Variants in ABCD3 observed in about 807,000 individuals in gnomAD.
ABCD3 encodes ATP-binding cassette sub-family D member 3.
In ABCD3, 41 loss-of-function variants were observed where a neutral mutation model predicts 105.5. The observed-to-expected ratio is 0.39, with a 90% CI of 0.30 to 0.50. ABCD3 has a LOEUF of 0.50. Ranked by LOEUF, ABCD3 falls within the 20% of genes least tolerant of loss-of-function variation. The pLI is 0.84. For missense variants in ABCD3, 622 were observed against 806.3 expected, an observed-to-expected ratio of 0.77 and a Z score of 2.77; for synonymous variants, 258 against 269.0, an observed-to-expected ratio of 0.96 and a Z score of 0.40.
rs1247970096 is a variant in ABCD3, at chr1:94,493,417, G to T, written c.1386+2170G>T. ...GATAACATCTCACACCAGTTAGAATGGCAATCATTAAAAAGTCAGGAAACA... is the reference window on the plus strand; with the variant it reads ...GATAACATCTCACACCAGTTAGAATTGCAATCATTAAAAAGTCAGGAAACA... On this transcript the variant is annotated intron_variant, in intron 16 of 22. Transcript: ENST00000370214. Among the ~76,000 whole-genome samples the T allele has an allele frequency of 2.0e-5, 3 of 152,022 alleles. No homozygotes were observed. In the South Asian group the frequency reaches 6.2e-4, roughly 32 times the overall value.
upstream of ABCD3, among the ~76,000 whole-genome samples, chr1:94,413,469 G>C (rs1337608450): frequency 6.6e-6 from 1 of 152,184 alleles, no homozygotes; most frequent in Non-Finnish European, 1.5e-5. Context: ...CCCTGATCTA[G>C]TGAGACAGGA....
In ABCD3 at chr1:94,498,664, C is replaced by T. The variant is rs1649946239; in HGVS notation, c.1449C>T (p.Phe483=). The T allele has an allele frequency of 6.2e-7, 1 of 1,612,192 alleles. No individual in the cohort carries two copies. The highest frequency in any genetic ancestry group is 8.5e-7 in the Non-Finnish European group (1 of 1,179,716). The change falls in exon 17 of 23, where the codon TTC becomes TTT. Residue 483 remains phenylalanine, a synonymous_variant. Coordinates refer to ENST00000370214, the MANE Select transcript of ABCD3 (RefSeq NM_002858.4). ...GPNGCGKSSL[F]RVLGELWPLF... ...ATGGCTGCGGAAAGAGTTCACTTTT[C>T]CGTGTTCTTGGTGAAGTAAGTACAA...
chr1:94,478,479 G>T, intron 8 of ABCD3, 164 bp downstream of exon 8: 1 of 1,342,016 alleles, frequency 7.5e-7, no homozygotes, highest in Non-Finnish European at 1.1e-6. Flanking sequence ...CTTCATTCGA[G>T]ATTTTAGAAG....
Position 94,498,986 on chromosome 1 carries a change from A to G in ABCD3, c.1572A>G (p.Ile524Met), listed in dbSNP as rs1419891034. 5.6e-6 allele frequency: 9 copies of G among 1,613,938 alleles called. No individual in the cohort carries two copies. Among genetic ancestry groups the G allele is most frequent in the South Asian group, 2.2e-5 (2 of 91,090 alleles). Residue 524 changes from isoleucine (I) to methionine (M), a missense_variant, in exon 19 of 23, where the codon ATA becomes ATG. Around this residue, in one of 4 missense-constraint regions of ABCD3, gnomAD observed 285 missense variants for 352.5 expected, o/e 0.81. Transcript: ENST00000370214. ...MTLGTLRDQV[I>M]YPDGREDQKR... ...TTGGAACACTTCGAGATCAAGTGATATATCCAGATGGACGAGAAGATCAGA... is the reference window on the plus strand; with the variant it reads ...TTGGAACACTTCGAGATCAAGTGATGTATCCAGATGGACGAGAAGATCAGA...
At chr1:94,450,639 T>C (rs1426454942) in intron 1 of ABCD3, among the ~76,000 whole-genome samples, 2 of 152,222 alleles carry the variant, frequency 1.3e-5, no homozygotes, top group Middle Eastern at 3.2e-3. Flanking sequence ...TGTCAATAAA[T>C]ATGTGGGTAA....
At chr1:94,504,466 T>C (rs1313626144) in intron 20 of ABCD3, among the ~76,000 whole-genome samples, 1 of 152,164 alleles carries the variant, frequency 6.6e-6, no homozygotes, top group Non-Finnish European at 1.5e-5. Context: ...TAGGTTTGCC[T>C]GAGATGACAT....
intron 20 of ABCD3, among the ~76,000 whole-genome samples, chr1:94,505,551 T>A (rs1032196531): frequency 1.3e-5 from 2 of 151,706 alleles, no homozygotes; most frequent in Non-Finnish European, 2.9e-5. Context: ...GAAGTATGAG[T>A]GAGAGATGCA....
chr1:94,454,063 T>C (rs1409825230), intron 1 of ABCD3, among the ~76,000 whole-genome samples: 2 of 152,106 alleles, frequency 1.3e-5, no homozygotes, highest in Non-Finnish European at 2.9e-5. Flanking sequence ...TGCATATGTG[T>C]ATGTACTTGG....
the ABCD3 span, among the ~76,000 whole-genome samples, chr1:94,389,610 C>T: frequency 1.3e-5 from 2 of 152,170 alleles, no homozygotes; most frequent in Non-Finnish European, 2.9e-5. Context: ...CTGTCAGTAA[C>T]TATGTGGGTA....
At chr1:94,458,498 A>G (rs1647700446) in intron 1 of ABCD3, 109 bp from the exon 2 acceptor site, 1 of 993,986 alleles carries the variant, frequency 1.0e-6, no homozygotes, top group East Asian at 2.4e-5. Context: ...TGATGTGAAA[A>G]AGAAGAAACG....
intron 22 of ABCD3, among the ~76,000 whole-genome samples, chr1:94,515,652 A>G (rs546874945): frequency 5.1e-4 from 77 of 151,972 alleles, no homozygotes; most frequent in Non-Finnish European, 9.4e-4. Flanking sequence ...TTAGATAGTC[A>G]CTATAATTTA....
intron 15 of ABCD3, among the ~76,000 whole-genome samples, chr1:94,490,696 A>T (rs2101025780): frequency 6.6e-6 from 1 of 152,184 alleles, no homozygotes; most frequent in African/African-American, 2.4e-5. Context: ...CAGTTTCCAT[A>T]TATGGACTAT....
At chr1:94,436,887 A>G (rs1659926936) in intron 1 of ABCD3, among the ~76,000 whole-genome samples, 2 of 152,230 alleles carry the variant, frequency 1.3e-5, no homozygotes, top group African/African-American at 4.8e-5. Context: ...GAATGATAAG[A>G]AACAGCCTTA....
Position 94,418,433 on chromosome 1 carries a change from C to T in ABCD3, c.-46C>T, listed in dbSNP as rs1033550580. On this transcript the variant is annotated 5_prime_UTR_variant, in exon 1 of 23. Coordinates refer to ENST00000370214, the MANE Select transcript of ABCD3 (RefSeq NM_002858.4). The stretch of plus-strand genomic sequence containing the variant: ...CGTGCAGTAAGGTAGCCGCCGCCGC[C>T]GCCGCCGCCGCGTCCCCTCGCCGGC... 16 of 1,531,444 alleles carry T rather than the reference C, an allele frequency of 1.0e-5. No individual in the cohort carries two copies. The African/African-American group carries it at 1.8e-4, about 17-fold the overall frequency. The allele number at this position is 1,531,444 out of a possible 1,614,324, so 94.9% of individuals were successfully genotyped here.
intron 3 of ABCD3, among the ~76,000 whole-genome samples, chr1:94,465,351 G>C (rs1648087074): frequency 6.6e-6 from 1 of 152,116 alleles, no homozygotes; most frequent in Non-Finnish European, 1.5e-5. Flanking sequence ...TAACACTTTG[G>C]TTATACTATA....
intron 1 of ABCD3, among the ~76,000 whole-genome samples, chr1:94,425,376 T>C (rs1659428894): frequency 6.6e-6 from 1 of 152,238 alleles, no homozygotes; most frequent in Non-Finnish European, 1.5e-5. Flanking sequence ...TTCATAACTA[T>C]ACTTTTAAAG....
chr1:94,502,904 A>G (rs1410760229), intron 20 of ABCD3, among the ~76,000 whole-genome samples: 1 of 152,216 alleles, frequency 6.6e-6, no homozygotes, highest in Non-Finnish European at 1.5e-5. Context: ...TTAGGCAAGC[A>G]GTATGGCTGC....
At chr1:94,500,551 A>C (rs1439609242) in intron 20 of ABCD3, among the ~76,000 whole-genome samples, 3 of 152,238 alleles carry the variant, frequency 2.0e-5, no homozygotes, top group Non-Finnish European at 4.4e-5. Flanking sequence ...CATAGTTTGA[A>C]TAGATCCAAG....
At chr1:94,428,206 A>C (rs2100880033) in intron 1 of ABCD3, among the ~76,000 whole-genome samples, 1 of 152,266 alleles carries the variant, frequency 6.6e-6, no homozygotes, top group African/African-American at 2.4e-5. Context: ...TAAAGTATAA[A>C]ATTGAAAATA....
Sources: allele counts gnomAD v4.1 joint callset (sites outside exome capture counted in the v4.1 genomes callset), GRCh38; gene constraint gnomAD v4.1.1; regional missense constraint gnomAD v4.1.1; transcripts MANE v1.5; gene names NCBI Gene and HGNC (gene_info 2026-07-23, HGNC 2026-07-21).